The following ANO2 variants were observed in gnomAD, a reference collection of about 807,000 sequenced individuals.
The protein encoded by ANO2 is anoctamin 2.
Under a neutral mutation model 124.2 loss-of-function variants are expected in ANO2, and 101 were observed. That is an observed-to-expected ratio of 0.81 (90% CI 0.69 to 0.96). The LOEUF (loss-of-function observed/expected upper bound fraction) is 0.96, where lower values mean the gene tolerates loss of function less well. ANO2 is among the 40% of genes least tolerant of loss of function. The pLI is 0.00. For synonymous variants in ANO2, 486 were observed against 482.5 expected (o/e 1.01, Z -0.09); for missense variants, 1,293 against 1,274.5 (o/e 1.01, Z -0.22).
intron 15 of ANO2, among the ~76,000 whole-genome samples, chr12:5,645,372 G>GT (rs1191023716): frequency 2.0e-5 from 3 of 151,966 alleles, no homozygotes; most frequent in Non-Finnish European, 4.4e-5. Flanking sequence ...CTGGGTGACA[G>GT]AATCAGACTC....
intron 10 of ANO2, among the ~76,000 whole-genome samples, chr12:5,793,262 G>A (rs1952750597): frequency 6.6e-6 from 1 of 152,148 alleles, no homozygotes; most frequent in African/African-American, 2.4e-5. Context: ...GAAACAAACT[G>A]TCCCAGAGAT....
chr12:5,921,405 G>A (rs1179537928), intron 2 of ANO2, 39 bp from the exon 3 acceptor site: 3 of 1,583,714 alleles, frequency 1.9e-6, no homozygotes, highest in African/African-American at 2.7e-5. Context: ...AAGGTCTGGT[G>A]AGTAAGGGGT....
intron 14 of ANO2, among the ~76,000 whole-genome samples, chr12:5,717,760 C>CA (rs1950075443): frequency 6.6e-6 from 1 of 151,936 alleles, no homozygotes. Flanking sequence ...CTTGGATGTT[C>CA]AAAAAAACAA....
At chr12:5,843,366 A>G (rs1025512481) in intron 4 of ANO2, among the ~76,000 whole-genome samples, 2 of 152,082 alleles carry the variant, frequency 1.3e-5, no homozygotes, top group African/African-American at 2.4e-5. Flanking sequence ...CCTGGCCAAC[A>G]TGGTGAAACC....
Position 5,830,465 on chromosome 12 carries a change from G to A in ANO2, c.810C>T (p.Thr270=). 6.2e-7 allele frequency: 1 copy of A among 1,612,900 alleles called. No individual in the cohort carries two copies. Among genetic ancestry groups the A allele is most frequent in the Non-Finnish European group, 8.5e-7 (1 of 1,179,542 alleles). The change falls in exon 6 of 25, where the codon ACC becomes ACT. Residue 270 remains threonine (T), a synonymous_variant. Transcript: ENST00000682330. ...GGCTGCGGGTGGCATTATCAAAGAA[G>A]GTGTCCTTTTCCTGGATGTTGTACC... ...MYLYNIQEKD[T]FFDNATRSRI...
chr12:5,578,538 G>T lies in ANO2; in HGVS notation c.2234-20C>A. On this transcript the variant is annotated intron_variant, in intron 20 of 24. Transcript: ENST00000682330. Reference sequence around the variant, plus strand: ...GGATGACTGCGAGAGAGCACAGCATGAGGGCTTCAGCAGGAACAAGCAGGA... The same window carrying T: ...GGATGACTGCGAGAGAGCACAGCATTAGGGCTTCAGCAGGAACAAGCAGGA... The T allele has an allele frequency of 6.2e-7, 1 of 1,607,412 alleles. No homozygotes were observed. Among genetic ancestry groups the T allele is most frequent in the African/African-American group, 1.3e-5 (1 of 74,960 alleles).
chr12:5,873,197 CT>C (rs1937831981), intron 3 of ANO2, among the ~76,000 whole-genome samples: 1 of 4,220 alleles, frequency 2.4e-4, no homozygotes, highest in Non-Finnish European at 5.3e-4. Context: ...CCTAAAGCAG[CT>C]CTCTCTCTCT....
At chr12:5,564,278 C>A (rs1445709025) in intron 24 of ANO2, among the ~76,000 whole-genome samples, 1 of 152,234 alleles carries the variant, frequency 6.6e-6, no homozygotes, top group African/African-American at 2.4e-5. Context: ...AAGCCACATC[C>A]CTTTGCTGGT....
intron 17 of ANO2, 57 bp from the exon 18 acceptor site, chr12:5,613,015 A>G (rs3741838): frequency 0.22 from 351,740 of 1,564,156 alleles, 40,563 homozygotes; most frequent in African/African-American, 0.32. Context: ...AGGGTGGCTC[A>G]AGGACATGTC....
chr12:5,940,538 C>A (rs1023266194), intron 1 of ANO2, among the ~76,000 whole-genome samples: 2 of 152,154 alleles, frequency 1.3e-5, no homozygotes, highest in African/African-American at 2.4e-5. Flanking sequence ...ACAGGCTTGT[C>A]TTGCTCCTAG....
At chr12:5,899,333 T>G (rs771599505) in intron 3 of ANO2, among the ~76,000 whole-genome samples, 1 of 152,132 alleles carries the variant, frequency 6.6e-6, no homozygotes, top group Non-Finnish European at 1.5e-5. Flanking sequence ...ACACACTTAG[T>G]GGGTTAGCAG....
intron 14 of ANO2, among the ~76,000 whole-genome samples, chr12:5,656,106 G>A (rs1010387956): frequency 2.6e-5 from 4 of 152,164 alleles, no homozygotes; most frequent in Admixed American, 1.3e-4. Flanking sequence ...TGAGGGGAGA[G>A]CAGCTATAGT....
At chr12:5,644,964 G>A (rs547090172) in intron 15 of ANO2, among the ~76,000 whole-genome samples, 49 of 151,728 alleles carry the variant, frequency 3.2e-4, no homozygotes, top group Non-Finnish European at 6.5e-4. Context: ...ATTTGCCTTT[G>A]GATTTAAGGC....
intron 10 of ANO2, among the ~76,000 whole-genome samples, chr12:5,790,490 T>A (rs1405437861): frequency 6.6e-6 from 1 of 152,142 alleles, no homozygotes; most frequent in Non-Finnish European, 1.5e-5. Flanking sequence ...CCAAGAATGC[T>A]TAAATCCCAA....
At chr12:5,684,472 C>T (rs1024915687) in intron 14 of ANO2, among the ~76,000 whole-genome samples, 2 of 152,178 alleles carry the variant, frequency 1.3e-5, no homozygotes, top group Non-Finnish European at 2.9e-5. Flanking sequence ...CTGCCCTTCT[C>T]TGGGGGCAGT....
chr12:5,887,673 G>A (rs79186904), intron 3 of ANO2, among the ~76,000 whole-genome samples: 1 of 152,182 alleles, frequency 6.6e-6, no homozygotes, highest in Non-Finnish European at 1.5e-5. Flanking sequence ...AGGAAGGAGA[G>A]AGAGAAGGAT....
chr12:5,668,676 T>G (rs1423665424), intron 14 of ANO2, among the ~76,000 whole-genome samples: 1 of 152,206 alleles, frequency 6.6e-6, no homozygotes, highest in Admixed American at 6.5e-5. Flanking sequence ...TTTATAGTTT[T>G]GGGTTTTACA....
chr12:5,670,966 A>C (rs1457230982), intron 14 of ANO2, among the ~76,000 whole-genome samples: 2 of 152,224 alleles, frequency 1.3e-5, no homozygotes, highest in Non-Finnish European at 2.9e-5. Context: ...TGTTAGAGGC[A>C]GAGTCGTGTC....
At chr12:5,820,405 G>A (rs562694622) in intron 7 of ANO2, among the ~76,000 whole-genome samples, 1 of 152,302 alleles carries the variant, frequency 6.6e-6, no homozygotes, top group Admixed American at 6.5e-5. Flanking sequence ...GACTTATGGA[G>A]GTCAGATAAT....
Sources: gnomAD v4.1 joint callset for allele counts (sites outside exome capture counted in the v4.1 genomes callset) on GRCh38, gnomAD v4.1.1 for gene constraint, MANE v1.5 for transcripts, NCBI Gene and HGNC (gene_info 2026-07-23, HGNC 2026-07-21) for gene names.